The following ITIH4 variants were observed in gnomAD, a reference collection of about 807,000 sequenced individuals.
ITIH4 encodes inter-alpha-trypsin inhibitor heavy chain 4.
ITIH4 carries 79 observed loss-of-function variants against 111.8 expected under a neutral mutation model. The observed-to-expected ratio is 0.71, with a 90% CI of 0.59 to 0.85. The LOEUF (loss-of-function observed/expected upper bound fraction) is 0.85, where lower values mean the gene tolerates loss of function less well. Among genes scored for constraint, ITIH4 ranks in the 40% least tolerant of loss-of-function variants. ITIH4 has a pLI of 0.00. For synonymous variants in ITIH4, 472 were observed against 468.3 expected (o/e 1.01, Z -0.10); for missense variants, 1,065 against 1,195.8 (o/e 0.89, Z 1.61).
rs776417210 is a variant in ITIH4, at chr3:52,819,526, G to A, written c.1952-8C>T. ...GGGAGCCAGCAGCTCCAGCTTTGGA[G>A]AAATCGACAGATGCAGTCTTCTCTC... On this transcript the variant is annotated splice_polypyrimidine_tract_variant and splice_region_variant and intron_variant, in intron 16 of 23. Coordinates refer to ENST00000266041, the MANE Select transcript of ITIH4 (RefSeq NM_002218.5). The A allele has an allele frequency of 1.4e-5, 23 of 1,613,976 alleles. No individual in the cohort carries two copies. The East Asian group carries it at 1.6e-4, about 11-fold the overall frequency.
chr3:52,813,172 C>A lies in ITIH4; in HGVS notation c.*249G>T. The A allele has an allele frequency of 2.0e-6, 1 of 495,174 alleles. No homozygotes were observed. Among genetic ancestry groups the A allele is most frequent in the East Asian group, 3.4e-5 (1 of 29,222 alleles). The allele number at this position is 495,174 out of a possible 1,614,324, so 30.7% of individuals were successfully genotyped here. A position where few individuals can be genotyped will look rare whatever the true frequency, so the allele number is the denominator to read the frequency against. On this transcript the variant is annotated 3_prime_UTR_variant, in exon 24 of 24. Coordinates refer to ENST00000266041, the MANE Select transcript of ITIH4 (RefSeq NM_002218.5). Reference sequence around the variant, plus strand: ...AAAGCTCAGCATGGGCCTTCCTGGCCATGGGCTCTTGAGAGCTGACAGTGG... The same window carrying A: ...AAAGCTCAGCATGGGCCTTCCTGGCAATGGGCTCTTGAGAGCTGACAGTGG...
Position 52,814,229 on chromosome 3 carries a change from C to A in ITIH4, c.2606G>T (p.Ser869Ile), listed in dbSNP as rs1200033781. 1.2e-6 allele frequency: 2 copies of A among 1,613,404 alleles called. No homozygotes were observed. The highest frequency in any genetic ancestry group is 2.7e-5 in the African/African-American group (2 of 74,932). ...AGTACCAAGGGTCCCTCCAACGTGG[C>A]TGGAGAAGCGGTCAGTGTCACGCAG... ...LLLRDTDRFS[S>I]HVGGTLGQFY... The change falls in exon 22 of 24, where the codon AGC (serine) becomes ATC (isoleucine). Residue 869 changes from serine (S) to isoleucine (I), a missense_variant. Ser to Ile is a moderately radical substitution (Grantham distance 142). Transcript: ENST00000266041.
At chr3:52,825,747 G>GT in intron 6 of ITIH4, 139 bp downstream of exon 6, 1 of 897,564 alleles carries the variant, frequency 1.1e-6, no homozygotes. Context: ...ACTAAATCAC[G>GT]TGTTTTCTGT....
In ITIH4 at chr3:52,813,405, G is replaced by C; in HGVS notation, c.*16C>G. The C allele has an allele frequency of 1.9e-6, 3 of 1,613,202 alleles. No individual in the cohort carries two copies. The highest frequency in any genetic ancestry group is 2.5e-6 in the Non-Finnish European group (3 of 1,179,170). On this transcript the variant is annotated 3_prime_UTR_variant, in exon 24 of 24. Coordinates refer to ENST00000266041, the MANE Select transcript of ITIH4 (RefSeq NM_002218.5). ...AAGCCAAGTGTACAGGGTGGGCACA[G>C]CTCCTTCCATCAGAACTACAGCTCC... is the stretch of plus-strand genomic sequence containing the variant.
intron 10 of ITIH4, 34 bp downstream of exon 10, chr3:52,823,789 T>C (rs112723318): frequency 6.2e-7 from 1 of 1,613,882 alleles, no homozygotes; most frequent in Non-Finnish European, 8.5e-7. Context: ...GACTGCCCAC[T>C]TCTCTGTGCA....
Position 52,824,226 on chromosome 3 carries a change from G to C in ITIH4, c.1135C>G (p.Leu379Val), listed in dbSNP as rs139446158. 92 of 1,613,362 alleles carry C rather than the reference G, an allele frequency of 5.7e-5. No individual in the cohort carries two copies. Among genetic ancestry groups the C allele is most frequent in the Middle Eastern group, 1.6e-4 (1 of 6,084 alleles). The change falls in exon 9 of 24, where the codon CTC becomes GTC. Residue 379 changes from leucine to valine, a missense_variant. Coordinates refer to ENST00000266041, the MANE Select transcript of ITIH4 (RefSeq NM_002218.5). This position sits in a 1 kb window ranked among gnomAD's most constrained non-coding sequence, Gnocchi z 4.3. ...EERLPEGSVS[L>V]IILLTDGDPT... ...TCGCCATCGGTGAGCAGGATGATGA[G>C]TGAGACACTCCCTTCGGGCAGCCGC...
chr3:52,829,737 T>A (rs1158915794), intron 1 of ITIH4: 1 of 157,312 alleles, frequency 6.4e-6, no homozygotes, highest in Non-Finnish European at 1.4e-5. Context: ...TCTGGAGACT[T>A]TGGCCTCTGT....
chr3:52,814,161 A>C (rs1444451687), intron 22 of ITIH4, 48 bp downstream of exon 22: 1 of 1,607,014 alleles, frequency 6.2e-7, no homozygotes. Flanking sequence ...GTTCCCAAGC[A>C]CAGCTGGTTT....
Position 52,829,239 on chromosome 3 carries a change from AC to A in ITIH4, c.130del (p.Val44SerfsTer41). ...GACCGTGTGGGCAAATCGGGATGAG[AC>A]CCTGGAGTCCACGGTGAGGCTGTAG... is the stretch of plus-strand genomic sequence containing the variant. ...DIYSLTVDSR[V>X]SSRFAHTVVT... On this transcript the variant is annotated frameshift_variant, in exon 2 of 24. Coordinates refer to ENST00000266041, the MANE Select transcript of ITIH4 (RefSeq NM_002218.5). LOFTEE classifies it high-confidence loss of function. 1 of 1,612,856 alleles carries A rather than the reference AC, an allele frequency of 6.2e-7. No homozygotes were observed. Among genetic ancestry groups the A allele is most frequent in the South Asian group, 1.1e-5 (1 of 91,002 alleles).
chr3:52,820,404 T>C, intron 13 of ITIH4, 87 bp from the exon 14 acceptor site: 1 of 1,426,784 alleles, frequency 7.0e-7, no homozygotes, highest in Non-Finnish European at 9.8e-7. Flanking sequence ...TTTGAAGCGC[T>C]TGTGTTTAAT....
In ITIH4 at chr3:52,820,784, C is replaced by G; in HGVS notation, c.1681G>C (p.Val561Leu). Residue 561 changes from valine (V) to leucine (L), a missense_variant and splice_region_variant, in exon 13 of 24, where the codon GTC (valine) becomes CTC (leucine). By Grantham distance (32) the Val-to-Leu change is conservative. Coordinates refer to ENST00000266041, the MANE Select transcript of ITIH4 (RefSeq NM_002218.5). ...TGCTGATCAGCATCGGATGCGGAGA[C>G]ACTGTAGGTGGAGCACATCAGAGCT... The part of the protein sequence containing the change: ...LTIQQLLEQT[V>L]SASDADQQAL... The G allele has an allele frequency of 6.2e-7, 1 of 1,609,700 alleles. No individual in the cohort carries two copies. Among genetic ancestry groups the G allele is most frequent in the Non-Finnish European group, 8.5e-7 (1 of 1,177,712 alleles).
At chr3:52,817,302 G>C (rs41292862) in intron 20 of ITIH4, among the ~76,000 whole-genome samples, 6 of 152,326 alleles carry the variant, frequency 3.9e-5, no homozygotes, top group Non-Finnish European at 8.8e-5. Flanking sequence ...GCCACCCTCA[G>C]TTGAGGCCTT....
At position 52,827,190 on chromosome 3, in the gene ITIH4, C is replaced by T. The variant is rs192165902; in HGVS notation, c.259G>A (p.Asp87Asn). ...AFITNFSMII[D>N]GMTYPGIIKE... Reference sequence around the variant, plus strand: ...ATGATCCCTGGGTAGGTCATGCCATCGATGATCCTGGGGGCAGAAGGGTGG... The same window carrying T: ...ATGATCCCTGGGTAGGTCATGCCATTGATGATCCTGGGGGCAGAAGGGTGG... The change falls in exon 3 of 24, where the codon GAT (aspartate) becomes AAT (asparagine). Residue 87 changes from aspartate (D) to asparagine (N), a missense_variant. Asp to Asn is a conservative substitution (Grantham distance 23). Transcript: ENST00000266041. 20 of 1,613,768 alleles carry T rather than the reference C, an allele frequency of 1.2e-5. No individual in the cohort carries two copies. The highest frequency in any genetic ancestry group is 8.9e-5 in the East Asian group (4 of 44,870).
chr3:52,816,320 A>G (rs1018018096), intron 21 of ITIH4, among the ~76,000 whole-genome samples: 1 of 152,204 alleles, frequency 6.6e-6, no homozygotes, highest in Non-Finnish European at 1.5e-5. Context: ...TCAGTATTTG[A>G]GGCCACTGAC....
At chr3:52,816,859 C>A (rs765012436) in intron 21 of ITIH4, 25 bp downstream of exon 21, 2 of 1,606,448 alleles carry the variant, frequency 1.2e-6, no homozygotes, top group Admixed American at 1.7e-5. Context: ...TCAACCCCTG[C>A]CCCGGGCTCC....
chr3:52,816,948 C>A lies in ITIH4; in HGVS notation c.2407G>T (p.Val803Leu). The part of the protein sequence containing the change: ...WVHASPEHVV[V>L]TRNRRSSAYK... ...GCAGAGCTTCTTCGGTTCCGAGTCA[C>A]CACCACGTGTTCAGGGGATGCGTGA... The change falls in exon 21 of 24, where the codon GTG becomes TTG. Residue 803 changes from valine (V) to leucine (L), a missense_variant. By Grantham distance (32) the Val-to-Leu change is conservative. Coordinates refer to ENST00000266041, the MANE Select transcript of ITIH4 (RefSeq NM_002218.5). 1 of 1,614,058 alleles carries A rather than the reference C, an allele frequency of 6.2e-7. No homozygotes were observed. Among genetic ancestry groups the A allele is most frequent in the South Asian group, 1.1e-5 (1 of 91,076 alleles).
rs1559482260 is a variant in ITIH4 at position 52,826,857 on chromosome 3, C to T, written c.453G>A (p.Lys151=). The change falls in exon 4 of 24, where the codon AAG becomes AAA. Residue 151 remains lysine (K), a synonymous_variant. Coordinates refer to ENST00000266041, the MANE Select transcript of ITIH4 (RefSeq NM_002218.5). ...GCAGCTCGTACACCCCCAAACGCCGCTTGAGCAGCTCCTCATAGACCAGCT... is the reference window on the plus strand; with the variant it reads ...GCAGCTCGTACACCCCCAAACGCCGTTTGAGCAGCTCCTCATAGACCAGCT... ...TFELVYEELL[K]RRLGVYELLL... is the part of the protein sequence containing the mutation. 1 of 1,614,024 alleles carries T rather than the reference C, an allele frequency of 6.2e-7. No homozygotes were observed. The highest frequency in any genetic ancestry group is 1.1e-5 in the South Asian group (1 of 91,078).
intron 11 of ITIH4, among the ~76,000 whole-genome samples, chr3:52,821,441 A>G (rs1700378916): frequency 6.6e-6 from 1 of 152,182 alleles, no homozygotes; most frequent in South Asian, 2.1e-4. Flanking sequence ...GCCAGTGTAG[A>G]AACAGCAGCA....
Position 52,817,008 on chromosome 3 carries a change from T to C in ITIH4, c.2347A>G (p.Ile783Val). 6.2e-7 allele frequency: 1 copy of C among 1,613,958 alleles called. No individual in the cohort carries two copies. Among genetic ancestry groups the C allele is most frequent in the Non-Finnish European group, 8.5e-7 (1 of 1,179,938 alleles). The change falls in exon 21 of 24, where the codon ATC becomes GTC. Residue 783 changes from isoleucine to valine, a missense_variant. Transcript: ENST00000266041. ...YEREKAGFSW[I>V]EVTFKNPLVW... ...AGGGGGTTCTTGAAGGTCACTTCGA[T>C]CCATGAGAACCCAGCCTTCTCCCTC...
Sources: allele counts gnomAD v4.1 joint callset (sites outside exome capture counted in the v4.1 genomes callset), GRCh38; gene constraint gnomAD v4.1.1; non-coding constraint Gnocchi (gnomAD v3.1); transcripts MANE v1.5; gene names NCBI Gene and HGNC (gene_info 2026-07-23, HGNC 2026-07-21).